Variants in CCDC194 observed in about 807,000 individuals in gnomAD.
The protein encoded by CCDC194 is coiled-coil domain-containing protein 194.
Under a neutral mutation model 4.9 loss-of-function variants are expected in CCDC194, and 8 were observed. The ratio of observed to expected loss-of-function variants is 1.65; its 90% CI spans 0.97 to 2.97. The LOEUF (loss-of-function observed/expected upper bound fraction) is 2.97, where lower values mean the gene tolerates loss of function less well. Among genes scored for constraint, CCDC194 ranks in the 30% most tolerant of loss-of-function variants. The pLI is 0.00. For missense variants in CCDC194, 52 were observed against 43.1 expected (o/e 1.21, Z -0.58); for synonymous variants, 13 against 17.0 (o/e 0.76, Z 0.58).
chr19:17,390,680 G>A lies in CCDC194; in HGVS notation c.555-21C>T. On this transcript the variant is annotated intron_variant, in intron 3 of 3. Transcript: ENST00000636079. This position sits in a 1 kb window ranked among gnomAD's most constrained non-coding sequence, Gnocchi z 5.5. ...CGTTACTGCCGGGAAGGGGGAAGGG[G>A]GCTGTCAGCCTCTGGACCCCTGTCC... is the stretch of plus-strand genomic sequence containing the variant. The A allele has an allele frequency of 2.5e-6, 1 of 397,762 alleles. No homozygotes were observed. 24.6% of individuals were successfully genotyped at this position (397,762 alleles called of 1,614,324 possible). A position where few individuals can be genotyped will look rare whatever the true frequency, so the allele number is the denominator to read the frequency against.
At chr19:17,393,426 T>G (rs2074662482) in intron 1 of CCDC194, among the ~76,000 whole-genome samples, 1 of 141,218 alleles carries the variant, frequency 7.1e-6, no homozygotes, top group East Asian at 2.1e-4. Flanking sequence ...TCTCGCTGTG[T>G]CACCCAGGCT....
downstream of CCDC194, among the ~76,000 whole-genome samples, chr19:17,387,676 C>G (rs994281875): frequency 6.6e-6 from 1 of 151,914 alleles, no homozygotes; most frequent in Non-Finnish European, 1.5e-5. Flanking sequence ...TGAGACTGCG[C>G]CATTGCACTC....
intron 1 of CCDC194, among the ~76,000 whole-genome samples, chr19:17,393,265 CT>C (rs1185669352): frequency 6.6e-6 from 1 of 152,084 alleles, no homozygotes; most frequent in East Asian, 1.9e-4. Flanking sequence ...CAAAATAGGG[CT>C]GCTGGAAACT....
intron 1 of CCDC194, among the ~76,000 whole-genome samples, chr19:17,393,449 C>T (rs139389352): frequency 2.1e-3 from 292 of 140,332 alleles, no homozygotes; most frequent in African/African-American, 7.8e-3. Context: ...AGTGCAGTGG[C>T]GCGGTCTCAG....
downstream of CCDC194, among the ~76,000 whole-genome samples, chr19:17,389,791 C>G (rs1168779872): frequency 6.6e-6 from 1 of 152,088 alleles, no homozygotes; most frequent in Non-Finnish European, 1.5e-5. Flanking sequence ...ATGGTGTAAC[C>G]CCGTCTCTAC....
chr19:17,393,539 C>T (rs1165501725), intron 1 of CCDC194, among the ~76,000 whole-genome samples: 3 of 152,036 alleles, frequency 2.0e-5, no homozygotes, highest in Non-Finnish European at 2.9e-5. Flanking sequence ...CAGGCGTTCA[C>T]CATCACGCCA....
In CCDC194 at chr19:17,391,218, C is replaced by A. The variant is rs947103691; in HGVS notation, c.547G>T (p.Glu183Ter). The change falls in exon 3 of 4, where the codon GAA (glutamate) becomes TAA (stop). Residue 183 changes from glutamate (E) to a stop codon, truncating the protein, a stop_gained. Transcript: ENST00000636079. LOFTEE classifies it low-confidence loss of function (END_TRUNC). ...GGCCAGCCCCTCACTCACAGGCGTT[C>A]GCGCAGCGCCGCCTCCCGGGCCGCA... is the stretch of plus-strand genomic sequence containing the variant. 3 of 400,174 alleles carry A rather than the reference C, an allele frequency of 7.5e-6. No homozygotes were observed. Among genetic ancestry groups the A allele is most frequent in the African/African-American group, 2.1e-5 (1 of 48,526 alleles). 24.8% of individuals were successfully genotyped at this position (400,174 alleles called of 1,614,324 possible). A position where few individuals can be genotyped will look rare whatever the true frequency, so the allele number is the denominator to read the frequency against.
intron 1 of CCDC194, among the ~76,000 whole-genome samples, chr19:17,392,585 G>T (rs1393286186): frequency 1.3e-5 from 2 of 152,198 alleles, no homozygotes; most frequent in Non-Finnish European, 2.9e-5. Flanking sequence ...TCTGCAAAAC[G>T]ACTGGTTCGG....
At chr19:17,391,050 G>A (rs150701413) in intron 3 of CCDC194, among the ~76,000 whole-genome samples, 161 bp downstream of exon 3, 1 of 151,264 alleles carries the variant, frequency 6.6e-6, no homozygotes, top group Non-Finnish European at 1.5e-5. Context: ...CCATCCTTAG[G>A]TTCCAATTCC....
Position 17,390,556 on chromosome 19 carries a change from C to G in CCDC194, c.658G>C (p.Gly220Arg). Reference sequence around the variant, plus strand: ...GGCCGCCGGCAGCCCCCGGAGGGTCCGGAGCGAGAGCGCGAGCGAGGGCTG... The same window carrying G: ...GGCCGCCGGCAGCCCCCGGAGGGTCGGGAGCGAGAGCGCGAGCGAGGGCTG... The change falls in exon 4 of 4, where the codon GGA (glycine) becomes CGA (arginine). Residue 220 changes from glycine to arginine, a missense_variant. Physicochemically the swap from Gly to Arg is moderately radical, Grantham distance 125. Coordinates refer to ENST00000636079, the Ensembl canonical transcript of CCDC194. This position sits in a 1 kb window ranked among gnomAD's most constrained non-coding sequence, Gnocchi z 5.5. 1 of 397,078 alleles carries G rather than the reference C, an allele frequency of 2.5e-6. No homozygotes were observed. The highest frequency in any genetic ancestry group is 4.4e-6 in the Non-Finnish European group (1 of 225,064). 24.6% of individuals were successfully genotyped at this position (397,078 alleles called of 1,614,324 possible).
At chr19:17,394,001 G>T (rs2074664935) in exon 1 of CCDC194, 1 of 391,880 alleles carries the variant, frequency 2.6e-6, no homozygotes, top group African/African-American at 2.1e-5. Context: ...CGTGGCATTG[G>T]CCCCTGGCTC....
intron 1 of CCDC194, 82 bp downstream of exon 1, chr19:17,393,753 G>A (rs2074663773): frequency 2.6e-6 from 1 of 391,282 alleles, no homozygotes; most frequent in Non-Finnish European, 4.5e-6. Flanking sequence ...CACAGGGAGG[G>A]AACCCTGGAG....
chr19:17,387,718 CA>C (rs2074640656), downstream of CCDC194, among the ~76,000 whole-genome samples: 1 of 150,324 alleles, frequency 6.7e-6, no homozygotes, highest in Non-Finnish European at 1.5e-5. Context: ...GACTCTATCT[CA>C]AAAAGAAAAA....
exon 1 of CCDC194, chr19:17,393,840 G>A (rs889738095): frequency 3.0e-5 from 12 of 397,316 alleles, no homozygotes; most frequent in African/African-American, 2.1e-4. Context: ...CCTACCTGGC[G>A]GCCTTCACAG....
exon 1 of CCDC194, chr19:17,394,012 C>A: frequency 5.1e-6 from 2 of 390,974 alleles, no homozygotes; most frequent in Admixed American, 4.5e-5. Flanking sequence ...CCCCTGGCTC[C>A]GGGCAGCGAG....
chr19:17,391,941 G>T, intron 1 of CCDC194, 95 bp from the exon 2 acceptor site: 3 of 1,157,288 alleles, frequency 2.6e-6, no homozygotes, highest in South Asian at 1.7e-5. Flanking sequence ...AGCCACCTGC[G>T]ACCCTGTGTC....
At chr19:17,390,315 C>A (rs1599587109), downstream of CCDC194, among the ~76,000 whole-genome samples, 2 of 152,312 alleles carry the variant, frequency 1.3e-5, no homozygotes, top group East Asian at 3.9e-4. The surrounding 1 kb of genome is among the most constrained non-coding windows in gnomAD (Gnocchi z 5.5). Flanking sequence ...GTTTCCCTGT[C>A]TGTAGAATAA....
downstream of CCDC194, among the ~76,000 whole-genome samples, chr19:17,389,091 T>C (rs1468118112): frequency 6.6e-6 from 1 of 152,180 alleles, no homozygotes; most frequent in Admixed American, 6.5e-5. Flanking sequence ...CTTCTTGCTG[T>C]GGCCTCCCAA....
chr19:17,388,193 CTTT>C (rs71162117), downstream of CCDC194, among the ~76,000 whole-genome samples: 1 of 92,096 alleles, frequency 1.1e-5, no homozygotes, highest in East Asian at 3.0e-4. Flanking sequence ...TCTTTTTTTC[CTTT>C]TTTTTTTTTT....
Sources: gnomAD v4.1 joint callset for allele counts (sites outside exome capture counted in the v4.1 genomes callset) on GRCh38, gnomAD v4.1.1 for gene constraint, Gnocchi (gnomAD v3.1) non-coding constraint, MANE v1.5 for transcripts, NCBI Gene and HGNC (gene_info 2026-07-23, HGNC 2026-07-21) for gene names.